GPC5: variants seen among roughly 807,000 people sequenced by gnomAD.
GPC5 encodes glypican-5.
GPC5 carries 47 observed loss-of-function variants against 53.9 expected under a neutral mutation model. The ratio of observed to expected loss-of-function variants is 0.87; its 90% CI spans 0.69 to 1.11. GPC5 has a LOEUF of 1.11. Ranked by LOEUF, GPC5 falls within the 50% of genes most tolerant of loss-of-function variation. GPC5 has a pLI of 0.00. For synonymous variants in GPC5, 286 were observed against 263.3 expected, an observed-to-expected ratio of 1.09 and a Z score of -0.84; for missense variants, 748 against 713.1, an observed-to-expected ratio of 1.05 and a Z score of -0.56.
At chr13:92,657,578 G>GT (rs1886177024) in intron 7 of GPC5, among the ~76,000 whole-genome samples, 1 of 122,328 alleles carries the variant, frequency 8.2e-6, no homozygotes, top group Non-Finnish European at 1.7e-5. Context: ...AAGGTTTTTT[G>GT]GTTTTTTTTT....
At chr13:92,618,078 G>A (rs969690772) in intron 7 of GPC5, among the ~76,000 whole-genome samples, 3 of 152,078 alleles carry the variant, frequency 2.0e-5, no homozygotes, top group African/African-American at 7.2e-5. Flanking sequence ...TCATGCAAAT[G>A]GTGCACCAGT....
chr13:91,765,011 G>A (rs1421760893), intron 5 of GPC5, among the ~76,000 whole-genome samples: 3 of 152,062 alleles, frequency 2.0e-5, no homozygotes, highest in Non-Finnish European at 4.4e-5. Context: ...CTTTTGGTGG[G>A]TTCCTTTTCT....
chr13:92,110,156 A>G (rs921329344), intron 6 of GPC5, among the ~76,000 whole-genome samples: 3 of 152,186 alleles, frequency 2.0e-5, no homozygotes, highest in Admixed American at 1.3e-4. Context: ...GATTTGAAGA[A>G]TAGGGAAAAA....
chr13:92,592,466 C>T (rs1883744272), intron 7 of GPC5, among the ~76,000 whole-genome samples: 1 of 151,230 alleles, frequency 6.6e-6, no homozygotes, highest in African/African-American at 2.4e-5. Context: ...CTAGTCCCTG[C>T]CAGGCAAATG....
In GPC5 at chr13:91,965,898, T is replaced by G. The variant is rs139282182; in HGVS notation, c.1401+57841T>G. On this transcript the variant is annotated intron_variant, in intron 6 of 7. Coordinates refer to ENST00000377067, the MANE Select transcript of GPC5 (RefSeq NM_004466.6). The stretch of plus-strand genomic sequence containing the variant: ...ACTGAATAAGTCCATTGGGTTATCA[T>G]TCTTAGAATATTTGATTTAAACATC... 5.3e-3 allele frequency among the ~76,000 whole-genome samples: 812 copies of G among 152,310 alleles called. 13 individuals carry two copies. Among genetic ancestry groups the G allele is most frequent in the African/African-American group, 0.019 (779 of 41,566 alleles).
chr13:92,001,489 G>T (rs2040554442), intron 6 of GPC5, among the ~76,000 whole-genome samples: 1 of 151,906 alleles, frequency 6.6e-6, no homozygotes, highest in Non-Finnish European at 1.5e-5. Flanking sequence ...TTTCTCTCTT[G>T]CCTACTTTTG....
intron 5 of GPC5, among the ~76,000 whole-genome samples, chr13:91,770,347 T>A (rs1249047920): frequency 1.3e-5 from 2 of 152,144 alleles, no homozygotes; most frequent in African/African-American, 2.4e-5. Context: ...AATCATTGAG[T>A]ATTAATCCAT....
intron 7 of GPC5, among the ~76,000 whole-genome samples, chr13:92,328,851 T>G (rs1174025413): frequency 1.3e-5 from 2 of 152,168 alleles, no homozygotes; most frequent in Non-Finnish European, 2.9e-5. Context: ...CTGTTATTAT[T>G]TTTAATCCAT....
At chr13:91,455,372 T>C (rs535489124) in intron 2 of GPC5, among the ~76,000 whole-genome samples, 1 of 152,272 alleles carries the variant, frequency 6.6e-6, no homozygotes, top group East Asian at 1.9e-4. Flanking sequence ...ACTTAAGTAT[T>C]GTCAGAATTT....
At position 92,125,923 on chromosome 13, in the gene GPC5, GGTTTTTTTTTTT is replaced by G. The variant is rs2041691523; in HGVS notation, c.1402-18906_1402-18895del. Among the ~76,000 whole-genome samples, 10 of 41,552 alleles carry G rather than the reference GGTTTTTTTTTTT, an allele frequency of 2.4e-4. 2 individuals carry two copies. The highest frequency in any genetic ancestry group is 7.3e-4 in the African/African-American group (10 of 13,624). 27.3% of individuals were successfully genotyped at this position (41,552 alleles called of 152,430 possible). Reference sequence around the variant, plus strand: ...ATTAGAAAGGAAACATTTGTTTTTTGGTTTTTTTTTTTTTTTTTTTTTTTTTTTTTTTTTTTT... The same window carrying G: ...ATTAGAAAGGAAACATTTGTTTTTTGTTTTTTTTTTTTTTTTTTTTTTTTT... On this transcript the variant is annotated intron_variant, in intron 6 of 7. Transcript: ENST00000377067.
At chr13:91,721,140 T>TCTTTCTTTCTTTC in intron 3 of GPC5, among the ~76,000 whole-genome samples, 2 of 137,600 alleles carry the variant, frequency 1.5e-5, no homozygotes, top group East Asian at 2.1e-4. Context: ...TTTCTTTCTT[T>TCTTTCTTTCTTTC]TTTTGGGTGG....
At chr13:91,902,531 A>T (rs1439549707) in intron 5 of GPC5, among the ~76,000 whole-genome samples, 4 of 152,000 alleles carry the variant, frequency 2.6e-5, no homozygotes, top group Non-Finnish European at 4.4e-5. Flanking sequence ...TGGGTCTATT[A>T]CTTCCCCAAC....
chr13:91,817,217 G>A (rs1361805817), intron 5 of GPC5, among the ~76,000 whole-genome samples: 5 of 152,128 alleles, frequency 3.3e-5, no homozygotes, highest in South Asian at 2.1e-4. Flanking sequence ...ACAGGAATTC[G>A]AATTCTTTTG....
chr13:92,475,503 T>A (rs1468242445), intron 7 of GPC5, among the ~76,000 whole-genome samples: 1 of 150,588 alleles, frequency 6.6e-6, no homozygotes, highest in African/African-American at 2.4e-5. Flanking sequence ...GCTCTCTGTT[T>A]GTCTGTTGTT....
intron 4 of GPC5, among the ~76,000 whole-genome samples, chr13:91,750,027 C>T (rs1187518500): frequency 2.6e-5 from 4 of 152,152 alleles, no homozygotes; most frequent in Non-Finnish European, 2.9e-5. Context: ...CCAGGCTGAT[C>T]TCAAACTCCT....
chr13:92,244,616 G>A (rs1452090956), intron 7 of GPC5, among the ~76,000 whole-genome samples: 4 of 151,980 alleles, frequency 2.6e-5, no homozygotes, highest in Non-Finnish European at 4.4e-5. Flanking sequence ...CTGAAACATA[G>A]GTGTTTGTTT....
intron 7 of GPC5, among the ~76,000 whole-genome samples, chr13:92,864,253 G>C (rs577402087): frequency 6.6e-6 from 1 of 152,220 alleles, no homozygotes; most frequent in East Asian, 1.9e-4. Flanking sequence ...ATATTCCTTA[G>C]AACTGTTACA....
chr13:92,862,903 G>A (rs1281626266), intron 7 of GPC5, among the ~76,000 whole-genome samples: 1 of 152,130 alleles, frequency 6.6e-6, no homozygotes, highest in Non-Finnish European at 1.5e-5. Flanking sequence ...GTAGACAGAT[G>A]AAATAGAGAT....
intron 6 of GPC5, among the ~76,000 whole-genome samples, chr13:91,915,836 A>C (rs1247346644): frequency 6.6e-6 from 1 of 152,182 alleles, no homozygotes; most frequent in Non-Finnish European, 1.5e-5. Flanking sequence ...TAAAATCTAA[A>C]AGGTAAGTGT....
Sources: gnomAD v4.1 joint callset for allele counts (sites outside exome capture counted in the v4.1 genomes callset) on GRCh38, gnomAD v4.1.1 for gene constraint, MANE v1.5 for transcripts, NCBI Gene and HGNC (gene_info 2026-07-23, HGNC 2026-07-21) for gene names.